NEK10: variants seen among roughly 807,000 people sequenced by gnomAD.
NEK10 encodes NIMA related kinase 10.
In NEK10, 122 loss-of-function variants were observed where a neutral mutation model predicts 159.8. That is an observed-to-expected ratio of 0.76 (90% CI 0.66 to 0.89). NEK10 has a LOEUF of 0.89. Ranked by LOEUF, NEK10 falls within the 40% of genes least tolerant of loss-of-function variation. The pLI is 0.00. For synonymous variants in NEK10, 466 were observed against 457.1 expected (o/e 1.02, Z -0.25); for missense variants, 1,342 against 1,323.1 (o/e 1.01, Z -0.22).
chr3:27,237,278 G>T (rs1457821169), intron 23 of NEK10, among the ~76,000 whole-genome samples: 1 of 152,056 alleles, frequency 6.6e-6, no homozygotes, highest in Non-Finnish European at 1.5e-5. Context: ...CAATCAGTTT[G>T]TACAATAGTG....
intron 22 of NEK10, among the ~76,000 whole-genome samples, chr3:27,279,940 C>A (rs3112781): frequency 3.3e-5 from 5 of 152,060 alleles, no homozygotes; most frequent in African/African-American, 1.2e-4. Context: ...GAGGCCGAGG[C>A]GGGCGGATCA....
intron 31 of NEK10, among the ~76,000 whole-genome samples, chr3:27,138,852 C>T (rs1559502625): frequency 6.6e-6 from 1 of 152,128 alleles, no homozygotes; most frequent in Non-Finnish European, 1.5e-5. Flanking sequence ...GAAGCAGGTG[C>T]CTTGGAAGCC....
At chr3:27,274,050 C>T (rs1236582824) in intron 22 of NEK10, among the ~76,000 whole-genome samples, 1 of 152,054 alleles carries the variant, frequency 6.6e-6, no homozygotes, top group Non-Finnish European at 1.5e-5. Flanking sequence ...TCTAATTCAA[C>T]AAATGGCATG....
chr3:27,221,162 T>C (rs1952064814), intron 23 of NEK10, among the ~76,000 whole-genome samples: 1 of 152,216 alleles, frequency 6.6e-6, no homozygotes, highest in South Asian at 2.1e-4. Context: ...ATCAATAAGT[T>C]GGATTTCATC....
At chr3:27,249,717 C>G (rs916708585) in intron 23 of NEK10, among the ~76,000 whole-genome samples, 1 of 152,094 alleles carries the variant, frequency 6.6e-6, no homozygotes, top group Non-Finnish European at 1.5e-5. Context: ...CATTTACATT[C>G]AATGTTATTA....
In NEK10 at chr3:27,278,108, T is replaced by C. The variant is rs144789667; in HGVS notation, c.2014+6494A>G. Among the ~76,000 whole-genome samples, 313 of 152,314 alleles carry C rather than the reference T, an allele frequency of 2.1e-3. 2 individuals are homozygous for C. The highest frequency in any genetic ancestry group is 3.8e-3 in the Non-Finnish European group (257 of 68,030). On this transcript the variant is annotated intron_variant, in intron 22 of 35. Transcript: ENST00000691995. The stretch of plus-strand genomic sequence containing the variant: ...AAGCATTTAAAAATATAAAAACCAG[T>C]CTTAACTCACAGGACATATAATAAT...
At position 27,106,856 on chromosome 3, in the gene NEK10, CTT is replaced by C. The variant is rs1939031751; in HGVS notation, c.*4414_*4415del. Among the ~76,000 whole-genome samples the C allele has an allele frequency of 6.6e-6, 1 of 152,176 alleles. No homozygotes were observed. Among genetic ancestry groups the C allele is most frequent in the Non-Finnish European group, 1.5e-5 (1 of 68,030 alleles). On this transcript the variant is annotated 3_prime_UTR_variant, in exon 36 of 36. Coordinates refer to ENST00000691995, the MANE Select transcript of NEK10 (RefSeq NM_001394966.1). ...TCCATACATAAAGACAAAATTCTAT[CTT>C]TGTTTAGGAGAAAGAAAGGTAAGCT...
intron 25 of NEK10, among the ~76,000 whole-genome samples, chr3:27,196,567 T>C (rs1439860635): frequency 6.6e-6 from 1 of 152,170 alleles, no homozygotes; most frequent in East Asian, 1.9e-4. Context: ...TCTAAACCTT[T>C]ACACTCCAAT....
At chr3:27,354,715 A>G (rs1278404559) in intron 1 of NEK10, among the ~76,000 whole-genome samples, 3 of 152,222 alleles carry the variant, frequency 2.0e-5, no homozygotes, top group African/African-American at 7.2e-5. Context: ...CAATGTATTA[A>G]GAAAGCATTC....
At chr3:27,125,398 C>T (rs1321156611) in intron 32 of NEK10, among the ~76,000 whole-genome samples, 1 of 152,098 alleles carries the variant, frequency 6.6e-6, no homozygotes, top group African/African-American at 2.4e-5. Flanking sequence ...CTGAGCCAAA[C>T]ATAAATAAAA....
At chr3:27,202,726 G>A (rs994978946) in intron 23 of NEK10, 169 bp from the exon 24 acceptor site, 12 of 487,688 alleles carry the variant, frequency 2.5e-5, no homozygotes, top group Non-Finnish European at 3.2e-5. Context: ...CCCAGCCTTA[G>A]ATGAACCAGG....
At chr3:27,293,325 A>G (rs1159554655) in intron 16 of NEK10, among the ~76,000 whole-genome samples, 2 of 152,242 alleles carry the variant, frequency 1.3e-5, no homozygotes, top group African/African-American at 2.4e-5. Flanking sequence ...CTAAAATCAC[A>G]GCAGTCACAT....
rs541726896 is a variant in NEK10, at chr3:27,108,911, T to C, written c.*2361A>G. On this transcript the variant is annotated 3_prime_UTR_variant, in exon 36 of 36. Coordinates refer to ENST00000691995, the MANE Select transcript of NEK10 (RefSeq NM_001394966.1). The stretch of plus-strand genomic sequence containing the variant: ...ACATGGGAAAATATAGACTCAGTGA[T>C]TGTGGTAGTTTAGGGAGAATTCAAA... 6.6e-6 allele frequency among the ~76,000 whole-genome samples: 1 copy of C among 152,214 alleles called. No individual in the cohort carries two copies. Among genetic ancestry groups the C allele is most frequent in the Non-Finnish European group, 1.5e-5 (1 of 68,040 alleles).
At chr3:27,179,100 A>G (rs531739850) in intron 26 of NEK10, among the ~76,000 whole-genome samples, 1 of 152,220 alleles carries the variant, frequency 6.6e-6, no homozygotes, top group Admixed American at 6.5e-5. Flanking sequence ...AACATCGTCT[A>G]TTTTCATCAG....
intron 23 of NEK10, among the ~76,000 whole-genome samples, chr3:27,204,497 C>A (rs1445726199): frequency 7.7e-5 from 9 of 116,534 alleles, no homozygotes; most frequent in Admixed American, 2.9e-4. Flanking sequence ...GTGTGATATT[C>A]CCCTTCCTGT....
intron 26 of NEK10, among the ~76,000 whole-genome samples, chr3:27,182,093 G>C (rs113546007): frequency 0.012 from 1,757 of 152,128 alleles, 11 homozygotes; most frequent in South Asian, 0.021. Flanking sequence ...ACAGAGTTTC[G>C]GTGAGATGGG....
intron 23 of NEK10, among the ~76,000 whole-genome samples, chr3:27,232,981 A>T (rs1465817750): frequency 6.6e-6 from 1 of 151,868 alleles, no homozygotes; most frequent in Admixed American, 6.6e-5. Flanking sequence ...GCTTAGGCAA[A>T]CAATTCATGA....
chr3:27,273,921 C>A (rs187603156), intron 22 of NEK10, among the ~76,000 whole-genome samples: 1 of 147,556 alleles, frequency 6.8e-6, no homozygotes, highest in African/African-American at 2.7e-5. Context: ...CCTCAACGAA[C>A]CCCTGTCTCA....
At chr3:27,184,078 A>G (rs1169074628) in intron 26 of NEK10, among the ~76,000 whole-genome samples, 2 of 152,194 alleles carry the variant, frequency 1.3e-5, no homozygotes, top group Non-Finnish European at 2.9e-5. Context: ...CTCTATTTCT[A>G]GGTCTTTATC....
Sources: gnomAD v4.1 joint callset for allele counts (sites outside exome capture counted in the v4.1 genomes callset) on GRCh38, gnomAD v4.1.1 for gene constraint, MANE v1.5 for transcripts, NCBI Gene and HGNC (gene_info 2026-07-23, HGNC 2026-07-21) for gene names.